Variants in KCNMA1 observed in about 807,000 individuals in gnomAD.
KCNMA1 encodes potassium calcium-activated channel subfamily M alpha 1, also known as Calcium-activated potassium channel subunit alpha-1.
A neutral mutation model predicts 140.0 loss-of-function variants in KCNMA1; 29 were observed. The observed-to-expected ratio is 0.21, with a 90% CI of 0.15 to 0.28. The LOEUF (loss-of-function observed/expected upper bound fraction) is 0.28. Among genes scored for constraint, KCNMA1 ranks in the 10% least tolerant of loss-of-function variants. The pLI, the probability that KCNMA1 is intolerant of heterozygous loss-of-function variation, is 1.00. For missense variants in KCNMA1, 880 were observed against 1,602.2 expected (o/e 0.55, Z 7.70); for synonymous variants, 612 against 611.9 (o/e 1.00, Z 0.00).
chr10:77,251,364 G>C, intron 2 of KCNMA1, 108 bp from the exon 3 acceptor site: 4 of 823,366 alleles, frequency 4.9e-6, no homozygotes. Context: ...ATTGCCCTTG[G>C]GGACCTGCTT....
At chr10:77,451,660 C>T (rs1159380250) in intron 1 of KCNMA1, among the ~76,000 whole-genome samples, 2 of 152,104 alleles carry the variant, frequency 1.3e-5, no homozygotes, top group African/African-American at 2.4e-5. Flanking sequence ...CAAGTGTGCC[C>T]CTGCCCAGGA....
intron 1 of KCNMA1, among the ~76,000 whole-genome samples, chr10:77,457,314 G>A (rs1362878874): frequency 1.3e-5 from 2 of 152,126 alleles, no homozygotes; most frequent in African/African-American, 4.8e-5. Flanking sequence ...CAGGGTGGGG[G>A]CAGGCAGAAA....
intron 1 of KCNMA1, among the ~76,000 whole-genome samples, chr10:77,568,101 C>T (rs1338447351): frequency 6.6e-6 from 1 of 152,136 alleles, no homozygotes. Context: ...AATAGCTTAC[C>T]AATGAAAAAG....
At chr10:77,057,813 GAAGA>G (rs997709282) in intron 14 of KCNMA1, among the ~76,000 whole-genome samples, 2 of 151,696 alleles carry the variant, frequency 1.3e-5, no homozygotes, top group Admixed American at 6.6e-5. Context: ...AAAGAAGAAA[GAAGA>G]GAGTTCAAAG....
In KCNMA1 at chr10:77,001,529, C is replaced by A; in HGVS notation, c.2144G>T (p.Gly715Val). 1 of 1,552,178 alleles carries A rather than the reference C, an allele frequency of 6.4e-7. No individual in the cohort carries two copies. ...GCATGAGCAGTCACGCTCAGAACGT[C>A]CGCAATCAAAACAACATGCCCGTCT... ...RMRRACCFDC[G>V]RSERDCSCMS... Residue 715 changes from glycine to valine, a missense_variant, in exon 19 of 28, where the codon GGA becomes GTA. Around this residue, in one of 13 missense-constraint regions of KCNMA1, gnomAD observed 196 missense variants for 233.0 expected, o/e 0.84. Transcript: ENST00000286628.
chr10:76,953,156 T>G (rs573629166), intron 21 of KCNMA1, among the ~76,000 whole-genome samples: 43 of 152,332 alleles, frequency 2.8e-4, no homozygotes, highest in Admixed American at 2.2e-3. Context: ...AAGGGGACTG[T>G]AGTTCATTAT....
At chr10:76,917,753 A>G (rs2053563075) in intron 23 of KCNMA1, among the ~76,000 whole-genome samples, 1 of 152,202 alleles carries the variant, frequency 6.6e-6, no homozygotes, top group African/African-American at 2.4e-5. Flanking sequence ...TTAAAAGCAA[A>G]AGGCAACAAT....
intron 1 of KCNMA1, among the ~76,000 whole-genome samples, chr10:77,428,173 C>A (rs190772980): frequency 2.6e-5 from 4 of 152,258 alleles, no homozygotes; most frequent in African/African-American, 9.6e-5. Context: ...AAGGACAATG[C>A]CCCTCTCTAC....
At chr10:77,070,856 T>C (rs1017815997) in intron 14 of KCNMA1, among the ~76,000 whole-genome samples, 1 of 152,170 alleles carries the variant, frequency 6.6e-6, no homozygotes, top group African/African-American at 2.4e-5. Flanking sequence ...AGCATGTGAA[T>C]AAGGCATCTC....
chr10:77,633,389 G>A (rs774966203), intron 1 of KCNMA1, among the ~76,000 whole-genome samples: 1 of 152,060 alleles, frequency 6.6e-6, no homozygotes, highest in Non-Finnish European at 1.5e-5. Context: ...ACAAGGGCAG[G>A]TCAGCTGGAG....
At chr10:77,162,890 G>C (rs1012973750) in intron 5 of KCNMA1, among the ~76,000 whole-genome samples, 1 of 152,080 alleles carries the variant, frequency 6.6e-6, no homozygotes, top group Non-Finnish European at 1.5e-5. Flanking sequence ...CAGACTGCGG[G>C]GTTCATATTT....
Position 77,505,529 on chromosome 10 carries a change from T to G in KCNMA1, c.379-101506A>C, listed in dbSNP as rs1419560354. Among the ~76,000 whole-genome samples the G allele has an allele frequency of 3.3e-5, 5 of 152,234 alleles. No homozygotes were observed. In the East Asian group the frequency reaches 9.6e-4, roughly 29 times the overall value. ...GCTCATTAGTTAGAGGAGAGAGATG[T>G]TACTTCTAACTTAGAACATCAAAAA... On this transcript the variant is annotated intron_variant, in intron 1 of 27. Transcript: ENST00000286628.
At chr10:77,526,970 A>G (rs990928226) in intron 1 of KCNMA1, among the ~76,000 whole-genome samples, 38 of 152,220 alleles carry the variant, frequency 2.5e-4, no homozygotes, top group Admixed American at 2.4e-3. Context: ...CTCTTATTAC[A>G]TTGCCATTTC....
chr10:77,245,054 A>G (rs2058243970), intron 3 of KCNMA1, among the ~76,000 whole-genome samples: 1 of 152,124 alleles, frequency 6.6e-6, no homozygotes, highest in Non-Finnish European at 1.5e-5. Flanking sequence ...GGGATGGAGA[A>G]AACTGGGGGG....
At chr10:77,115,149 G>A (rs1056259334) in intron 6 of KCNMA1, among the ~76,000 whole-genome samples, 8 of 152,136 alleles carry the variant, frequency 5.3e-5, no homozygotes, top group African/African-American at 1.9e-4. Flanking sequence ...CATAGTCTTA[G>A]TTTTTCCAGA....
intron 1 of KCNMA1, chr10:77,636,958 C>T (rs1213566417): frequency 8.5e-6 from 12 of 1,414,338 alleles, no homozygotes; most frequent in Non-Finnish European, 9.2e-7. Context: ...CCACGGCACC[C>T]GAGCCTGTGA....
rs1445496149 is a variant in KCNMA1, at chr10:77,055,696, T to G, written c.1750-16059A>C. Among the ~76,000 whole-genome samples, 3 of 152,178 alleles carry G rather than the reference T, an allele frequency of 2.0e-5. No individual in the cohort carries two copies. The East Asian group carries it at 5.8e-4, about 29-fold the overall frequency. On this transcript the variant is annotated intron_variant, in intron 14 of 27. Coordinates refer to ENST00000286628, the MANE Select transcript of KCNMA1 (RefSeq NM_001161352.2). Reference sequence around the variant, plus strand: ...AACCCTATTGCTTTTTGTCTCTCTCTGCCCTTCTACCAGTTGGCCCCAGAT... The same window carrying G: ...AACCCTATTGCTTTTTGTCTCTCTCGGCCCTTCTACCAGTTGGCCCCAGAT...
chr10:77,397,231 A>G (rs1355816190), intron 2 of KCNMA1, among the ~76,000 whole-genome samples: 1 of 152,192 alleles, frequency 6.6e-6, no homozygotes, highest in African/African-American at 2.4e-5. Context: ...ACCTTAGAGA[A>G]TCTCTTCGCC....
chr10:77,628,419 G>A (rs1249544743), intron 1 of KCNMA1, among the ~76,000 whole-genome samples: 1 of 152,182 alleles, frequency 6.6e-6, no homozygotes. Flanking sequence ...ACTTTGGGAG[G>A]CCAAGGCGGG....
Sources: allele counts gnomAD v4.1 joint callset (sites outside exome capture counted in the v4.1 genomes callset), GRCh38; gene constraint gnomAD v4.1.1; regional missense constraint gnomAD v4.1.1; transcripts MANE v1.5; gene names NCBI Gene and HGNC (gene_info 2026-07-23, HGNC 2026-07-21).